The following ZDHHC22 variants were observed in gnomAD, a reference collection of about 807,000 sequenced individuals.
The protein encoded by ZDHHC22 is zDHHC palmitoyltransferase 22, also known as palmitoyltransferase ZDHHC22.
In ZDHHC22, 13 loss-of-function variants were observed where a neutral mutation model predicts 17.0. The ratio of observed to expected loss-of-function variants is 0.76; its 90% CI spans 0.50 to 1.21. The LOEUF (loss-of-function observed/expected upper bound fraction) is 1.21. Ranked by LOEUF, ZDHHC22 falls within the 50% of genes most tolerant of loss-of-function variation. The pLI is 0.00. For synonymous variants in ZDHHC22, 138 were observed against 154.7 expected (o/e 0.89, Z 0.80); for missense variants, 319 against 342.3 (o/e 0.93, Z 0.54).
chr14:77,134,692 C>T (rs1201271165), intron 2 of ZDHHC22, among the ~76,000 whole-genome samples: 1 of 152,194 alleles, frequency 6.6e-6, no homozygotes, highest in Non-Finnish European at 1.5e-5. Context: ...CTAAACCAAG[C>T]ACTTCCTATT....
At chr14:77,137,971 T>TGAGAG (rs1887170966) in intron 2 of ZDHHC22, among the ~76,000 whole-genome samples, 1 of 152,150 alleles carries the variant, frequency 6.6e-6, no homozygotes, top group Non-Finnish European at 1.5e-5. Context: ...GACCAGAGAC[T>TGAGAG]GCCACTCAGT....
intron 2 of ZDHHC22, among the ~76,000 whole-genome samples, chr14:77,138,974 G>A (rs1887189172): frequency 6.6e-6 from 1 of 152,176 alleles, no homozygotes; most frequent in Non-Finnish European, 1.5e-5. Context: ...CAGCATGTCC[G>A]CTTAATTTGC....
intron 1 of ZDHHC22, chr14:77,141,164 G>A (rs555175247): frequency 1.3e-5 from 2 of 152,294 alleles, no homozygotes; most frequent in East Asian, 3.9e-4. Context: ...CCCCAGTCCT[G>A]CGCCGCCGGG....
chr14:77,139,361 G>A lies in ZDHHC22; in HGVS notation c.378C>T (p.Phe126=), dbSNP rs925193854. 3.7e-6 allele frequency: 6 copies of A among 1,602,332 alleles called. No homozygotes were observed. The highest frequency in any genetic ancestry group is 5.1e-6 in the Non-Finnish European group (6 of 1,174,812). The change falls in exon 2 of 3, where the codon TTC becomes TTT. Residue 126 remains phenylalanine (F), a synonymous_variant. Transcript: ENST00000319374. The part of the protein sequence containing the change: ...NCIGSRNMRN[F]VLFCLYTSLA... Reference sequence around the variant, plus strand: ...GGGAGGTGTAGAGGCAGAACAGGACGAAGTTGCGCATGTTCCTGCTGCCGA... The same window carrying A: ...GGGAGGTGTAGAGGCAGAACAGGACAAAGTTGCGCATGTTCCTGCTGCCGA...
chr14:77,134,145 G>A (rs994737689), intron 2 of ZDHHC22, among the ~76,000 whole-genome samples, 197 bp from the exon 3 acceptor site: 3 of 152,164 alleles, frequency 2.0e-5, no homozygotes, highest in African/African-American at 4.8e-5. Context: ...TTCTTGGCGC[G>A]GATGGCACCT....
intron 2 of ZDHHC22, among the ~76,000 whole-genome samples, chr14:77,135,193 G>T (rs1050380810): frequency 2.7e-5 from 4 of 150,490 alleles, no homozygotes; most frequent in Non-Finnish European, 6.0e-5. Flanking sequence ...CCTCTGGTGG[G>T]GGGGGGGCAC....
chr14:77,139,839 G>C lies in ZDHHC22; in HGVS notation c.-14-87C>G, dbSNP rs760059544. ...CGCTCCTCCGTGCCGCGCGTCTGGG[G>C]CACTGCACGCGACTCCACGCCCCCA... On this transcript the variant is annotated intron_variant, in intron 1 of 2. Coordinates refer to ENST00000319374, the MANE Select transcript of ZDHHC22 (RefSeq NM_174976.2). 4.5e-6 allele frequency: 6 copies of C among 1,341,788 alleles called. No homozygotes were observed. The African/African-American group carries it at 7.4e-5, about 17-fold the overall frequency. 83.1% of individuals were successfully genotyped at this position (1,341,788 alleles called of 1,614,324 possible).
intron 2 of ZDHHC22, among the ~76,000 whole-genome samples, chr14:77,134,851 G>C (rs1467542447): frequency 6.6e-6 from 1 of 152,102 alleles, no homozygotes; most frequent in East Asian, 1.9e-4. Context: ...CTGTACAATG[G>C]GTATAATAAC....
chr14:77,139,566 G>A lies in ZDHHC22; in HGVS notation c.173C>T (p.Ser58Leu), dbSNP rs767352142. The A allele has an allele frequency of 4.4e-6, 7 of 1,601,740 alleles. No individual in the cohort carries two copies. The highest frequency in any genetic ancestry group is 2.3e-5 in the East Asian group (1 of 44,388). The change falls in exon 2 of 3, where the codon TCG (serine) becomes TTG (leucine). Residue 58 changes from serine (S) to leucine (L), a missense_variant. Coordinates refer to ENST00000319374, the MANE Select transcript of ZDHHC22 (RefSeq NM_174976.2). Reference protein sequence around the residue: ...LLHGALFLFLSANALGNYVLV... With the variant: ...LLHGALFLFLLANALGNYVLV... ...GACGTAATTGCCCAGGGCGTTGGCC[G>A]AGAGGAATAGGAAGAGCGCCCCGTG...
chr14:77,139,610 G>A lies in ZDHHC22; in HGVS notation c.129C>T (p.Leu43=), dbSNP rs35145114. 12,370 of 1,585,928 alleles carry A rather than the reference G, an allele frequency of 7.8e-3. 750 individuals carry two copies. The African/African-American group carries it at 0.14, about 18-fold the overall frequency. The change falls in exon 2 of 3, where the codon CTC becomes CTT. Residue 43 remains leucine (L), a synonymous_variant. Coordinates refer to ENST00000319374, the MANE Select transcript of ZDHHC22 (RefSeq NM_174976.2). ...SMREDPAAAR[L]FSPALLHGAL... is the part of the protein sequence containing the mutation. ...CCCCGTGGAGCAGGGCGGGCGAGAA[G>A]AGCCGGGCGGCCGCGGGGTCCTCGC...
upstream of ZDHHC22, chr14:77,141,880 C>G (rs1887263347): frequency 6.6e-6 from 1 of 152,364 alleles, no homozygotes; most frequent in Non-Finnish European, 1.5e-5. Context: ...GGCCGCCAGT[C>G]TCAGCATCGT....
Position 77,139,311 on chromosome 14 carries a change from G to A in ZDHHC22, c.428C>T (p.Ala143Val). 1 of 1,600,572 alleles carries A rather than the reference G, an allele frequency of 6.2e-7. No homozygotes were observed. The highest frequency in any genetic ancestry group is 1.1e-5 in the South Asian group (1 of 88,496). Reference protein sequence around the residue: ...TSLACLYSMVAGVAYISAVLS... With the variant: ...TSLACLYSMVVGVAYISAVLS... ...GACAGCGGAGATGTAGGCCACGCCGGCCACCATGGAGTAGAGGCAGGCCAG... is the reference window on the plus strand; with the variant it reads ...GACAGCGGAGATGTAGGCCACGCCGACCACCATGGAGTAGAGGCAGGCCAG... Residue 143 changes from alanine (A) to valine (V), a missense_variant, in exon 2 of 3, where the codon GCC becomes GTC. By Grantham distance (64) the Ala-to-Val change is moderately conservative. Transcript: ENST00000319374.
intron 2 of ZDHHC22, among the ~76,000 whole-genome samples, chr14:77,138,949 G>A (rs1887188809): frequency 6.6e-6 from 1 of 152,192 alleles, no homozygotes; most frequent in Non-Finnish European, 1.5e-5. Context: ...AAGGGGGGAT[G>A]TTACCAATAA....
At chr14:77,138,559 C>T (rs1887181238) in intron 2 of ZDHHC22, among the ~76,000 whole-genome samples, 1 of 136,874 alleles carries the variant, frequency 7.3e-6, no homozygotes, top group South Asian at 2.6e-4. Context: ...GAGACTCTGT[C>T]TTAAAAAAAA....
chr14:77,132,482 C>T lies in ZDHHC22; in HGVS notation c.*1201G>A, dbSNP rs1434193879. The T allele has an allele frequency of 6.6e-6, 1 of 152,230 alleles. No homozygotes were observed. The highest frequency in any genetic ancestry group is 1.5e-5 in the Non-Finnish European group (1 of 68,070). 9.4% of individuals were successfully genotyped at this position (152,230 alleles called of 1,614,324 possible). On this transcript the variant is annotated 3_prime_UTR_variant, in exon 3 of 3. Coordinates refer to ENST00000319374, the MANE Select transcript of ZDHHC22 (RefSeq NM_174976.2). Reference sequence around the variant, plus strand: ...CTCACAGGCATCTCTGCAGATCTTGCCTCTGGGTCCAGCAATCACAACCAG... The same window carrying T: ...CTCACAGGCATCTCTGCAGATCTTGTCTCTGGGTCCAGCAATCACAACCAG...
chr14:77,136,233 A>T (rs1472201671), intron 2 of ZDHHC22, among the ~76,000 whole-genome samples: 1 of 144,750 alleles, frequency 6.9e-6, no homozygotes, highest in African/African-American at 2.6e-5. Context: ...AGAAGCCCCA[A>T]CTCCAAATCT....
rs1887084135 is a variant in ZDHHC22, at chr14:77,133,908, G to A, written c.567C>T (p.Leu189=). 1 of 1,609,720 alleles carries A rather than the reference G, an allele frequency of 6.2e-7. No homozygotes were observed. The highest frequency in any genetic ancestry group is 1.3e-5 in the African/African-American group (1 of 74,882). ...CCAGGCCGATGGCGAACCAGAGGTA[G>A]AGCATGAGGATGACGAACATTTCAG... ...LGSEMFVILM[L]YLWFAIGLAC... The change falls in exon 3 of 3, where the codon CTC becomes CTT. Residue 189 remains leucine, a synonymous_variant. Coordinates refer to ENST00000319374, the MANE Select transcript of ZDHHC22 (RefSeq NM_174976.2).
chr14:77,139,814 C>T, intron 1 of ZDHHC22, 62 bp from the exon 2 acceptor site: 1 of 1,429,620 alleles, frequency 7.0e-7, no homozygotes, highest in Non-Finnish European at 9.2e-7. Flanking sequence ...CGCCCTCGCC[C>T]GCTCCTCCGT....
At chr14:77,134,185 C>G (rs1185094571) in intron 2 of ZDHHC22, among the ~76,000 whole-genome samples, 1 of 152,210 alleles carries the variant, frequency 6.6e-6, no homozygotes, top group Non-Finnish European at 1.5e-5. Flanking sequence ...GGAGACATGG[C>G]AGAGAAGAGA....
Sources: gnomAD v4.1 joint callset for allele counts (sites outside exome capture counted in the v4.1 genomes callset) on GRCh38, gnomAD v4.1.1 for gene constraint, MANE v1.5 for transcripts, NCBI Gene and HGNC (gene_info 2026-07-23, HGNC 2026-07-21) for gene names.